The following AP1G1 variants were observed in gnomAD, a reference collection of about 807,000 sequenced individuals.
The protein encoded by AP1G1 is adaptor related protein complex 1 subunit gamma 1.
A neutral mutation model predicts 108.3 loss-of-function variants in AP1G1; 7 were observed. The observed-to-expected ratio is 0.06, with a 90% CI of 0.04 to 0.12. The LOEUF is 0.12. AP1G1 is among the 10% of genes least tolerant of loss of function. The probability of loss-of-function intolerance (pLI) is 1.00; values close to 1 mark genes in which losing one functional copy is unlikely to be tolerated. For missense variants in AP1G1, 756 were observed against 1,010.7 expected (o/e 0.75, Z 3.42); for synonymous variants, 379 against 353.5 (o/e 1.07, Z -0.81).
intron 2 of AP1G1, among the ~76,000 whole-genome samples, chr16:71,780,618 A>G (rs2031978228): frequency 6.6e-6 from 1 of 151,910 alleles, no homozygotes; most frequent in Admixed American, 6.6e-5. Context: ...CCTTTTTAAA[A>G]GTCACCTTTA....
At chr16:71,735,729 A>G (rs2045527032) in intron 21 of AP1G1, among the ~76,000 whole-genome samples, 1 of 152,132 alleles carries the variant, frequency 6.6e-6, no homozygotes. Flanking sequence ...TGTATGAACT[A>G]GCATTTGAAA....
chr16:71,749,857 T>G, intron 15 of AP1G1, 37 bp downstream of exon 15: 1 of 1,523,096 alleles, frequency 6.6e-7, no homozygotes, highest in Non-Finnish European at 9.1e-7. Context: ...CCAAAACCAC[T>G]ATTTTCCCCC....
Position 71,745,486 on chromosome 16 carries a change from T to A in AP1G1, c.1859A>T (p.Gln620Leu). Residue 620 changes from glutamine (Q) to leucine (L), a missense_variant, in exon 18 of 23, where the codon CAG becomes CTG. Physicochemically the swap from Gln to Leu is moderately radical, Grantham distance 113. Coordinates refer to ENST00000299980, the MANE Select transcript of AP1G1 (RefSeq NM_001128.6). ...AAGGCTGGCTACCTGGCTGGTGGGC[T>A]GTGGCCCAGAGGGTGGCGGTTTGGT... The part of the protein sequence containing the change: ...LETKPPPSGP[Q>L]PTSQANDLLD... The A allele has an allele frequency of 6.2e-7, 1 of 1,614,206 alleles. No individual in the cohort carries two copies. The highest frequency in any genetic ancestry group is 1.3e-5 in the African/African-American group (1 of 75,056).
chr16:71,782,456 C>T (rs1269839061), intron 2 of AP1G1, among the ~76,000 whole-genome samples: 1 of 150,900 alleles, frequency 6.6e-6, no homozygotes, highest in African/African-American at 2.4e-5. Context: ...AGTCACCGCA[C>T]CCAGCCTACA....
At chr16:71,755,228 C>T (rs1183505311) in intron 12 of AP1G1, among the ~76,000 whole-genome samples, 1 of 151,966 alleles carries the variant, frequency 6.6e-6, no homozygotes, top group South Asian at 2.1e-4. Flanking sequence ...GAGTTCGAGA[C>T]CAGCCTGGAC....
chr16:71,797,731 G>A (rs1039362418), intron 1 of AP1G1, among the ~76,000 whole-genome samples: 6 of 152,000 alleles, frequency 3.9e-5, no homozygotes, highest in Admixed American at 2.0e-4. Flanking sequence ...CCCAGGAGGC[G>A]GGGATTGCAG....
chr16:71,774,613 A>G (rs752385352), intron 2 of AP1G1, 21 bp from the exon 3 acceptor site: 2 of 1,553,846 alleles, frequency 1.3e-6, no homozygotes, highest in East Asian at 2.3e-5. Flanking sequence ...AGAAAAAAAA[A>G]AAGAAGGAAA....
At chr16:71,802,809 G>A (rs2032853791) in intron 1 of AP1G1, among the ~76,000 whole-genome samples, 1 of 152,072 alleles carries the variant, frequency 6.6e-6, no homozygotes, top group Admixed American at 6.6e-5. Context: ...TGATCCTTCT[G>A]ACTTGGCTTC....
In AP1G1 at chr16:71,774,829, T is replaced by A. The variant is rs192482690; in HGVS notation, c.202-237A>T. Among the ~76,000 whole-genome samples, 98 of 152,012 alleles carry A rather than the reference T, an allele frequency of 6.4e-4. 1 individual carries two copies. Among genetic ancestry groups the A allele is most frequent in the African/African-American group, 2.3e-3 (94 of 41,476 alleles). ...TCTGCCTCCCAGGTTCAAGCCATTC[T>A]CCTGCCTCAGCCTCCCGAGTAGCTG... On this transcript the variant is annotated intron_variant, in intron 2 of 22. Coordinates refer to ENST00000299980, the MANE Select transcript of AP1G1 (RefSeq NM_001128.6).
chr16:71,773,195 C>A (rs919848359), intron 4 of AP1G1, 26 bp downstream of exon 4: 2 of 1,610,934 alleles, frequency 1.2e-6, no homozygotes, highest in Non-Finnish European at 1.7e-6. Flanking sequence ...CTAATCCAAA[C>A]AGACATTTGG....
chr16:71,729,280 TG>T lies in AP1G1; in HGVS notation c.*3777del, dbSNP rs1468960883. The T allele has an allele frequency of 1.3e-5, 2 of 152,294 alleles. No homozygotes were observed. The highest frequency in any genetic ancestry group is 4.8e-5 in the African/African-American group (2 of 41,338). The allele number at this position is 152,294 out of a possible 1,614,324, so 9.4% of individuals were successfully genotyped here. A position where few individuals can be genotyped will look rare whatever the true frequency, so the allele number is the denominator to read the frequency against. ...AAGATGTGATGGGGCATAATGAAAATGTAACTTACAACACTAAGAAAGAAAA... is the reference window on the plus strand; with the variant it reads ...AAGATGTGATGGGGCATAATGAAAATTAACTTACAACACTAAGAAAGAAAA... On this transcript the variant is annotated 3_prime_UTR_variant, in exon 23 of 23. Transcript: ENST00000299980.
intron 21 of AP1G1, among the ~76,000 whole-genome samples, chr16:71,737,009 T>G (rs937799957): frequency 2.2e-4 from 33 of 152,114 alleles, no homozygotes; most frequent in African/African-American, 7.5e-4. Context: ...CAGCCTAAAG[T>G]AACAAGTATA....
At chr16:71,748,489 A>T in intron 15 of AP1G1, 111 bp from the exon 16 acceptor site, 1 of 1,249,908 alleles carries the variant, frequency 8.0e-7, no homozygotes, top group Non-Finnish European at 1.1e-6. Flanking sequence ...TACCGTTACA[A>T]AAGCCTCTAA....
Position 71,739,324 on chromosome 16 carries a change from G to C in AP1G1, c.2017C>G (p.Pro673Ala), listed in dbSNP as rs769024495. The change falls in exon 20 of 23, where the codon CCT becomes GCT. Residue 673 changes from proline (P) to alanine (A), a missense_variant. Pro to Ala is a conservative substitution (Grantham distance 27, BLOSUM62 -1). This residue lies in a region of AP1G1 where 357 missense variants were observed against 366.5 expected (regional missense o/e 0.97). Coordinates refer to ENST00000299980, the MANE Select transcript of AP1G1 (RefSeq NM_001128.6). ...INLTGAPAAAPAPASVPQISQ... is the reference protein window; with the variant it reads ...INLTGAPAAAAAPASVPQISQ... ...ATCTGTGGGACTGAGGCAGGGGCAG[G>C]AGCAGCAGCTGGAGCACCTAAAGGA... The C allele has an allele frequency of 4.4e-6, 7 of 1,602,978 alleles. No homozygotes were observed. Among genetic ancestry groups the C allele is most frequent in the Non-Finnish European group, 5.9e-6 (7 of 1,177,352 alleles).
chr16:71,749,119 GGA>G (rs1567644223), intron 15 of AP1G1, among the ~76,000 whole-genome samples: 9 of 152,004 alleles, frequency 5.9e-5, no homozygotes, highest in African/African-American at 2.2e-4. Context: ...GTGTTAGCCA[GGA>G]TGGTCTGGCT....
At chr16:71,753,736 T>C in intron 13 of AP1G1, 97 bp downstream of exon 13, 1 of 1,059,236 alleles carries the variant, frequency 9.4e-7, no homozygotes, top group Non-Finnish European at 1.4e-6. Context: ...ACCTATTTAC[T>C]TGTGAATTTC....
intron 19 of AP1G1, among the ~76,000 whole-genome samples, chr16:71,744,620 C>T (rs1281324209): frequency 2.3e-5 from 3 of 132,510 alleles, no homozygotes; most frequent in Non-Finnish European, 3.1e-5. Context: ...GTCACCCAGG[C>T]TGCAGTACAC....
At chr16:71,758,383 G>A (rs899882957) in intron 11 of AP1G1, 1 of 516,730 alleles carries the variant, frequency 1.9e-6, no homozygotes, top group African/African-American at 1.9e-5. Flanking sequence ...GGATCCTGGG[G>A]CGTAAGTACT....
chr16:71,807,574 G>C (rs1344188988), intron 1 of AP1G1, among the ~76,000 whole-genome samples: 1 of 152,244 alleles, frequency 6.6e-6, no homozygotes, highest in African/African-American at 2.4e-5. Context: ...TGTGTGACAA[G>C]TTAGGTATTT....
Sources: allele counts gnomAD v4.1 joint callset (sites outside exome capture counted in the v4.1 genomes callset), GRCh38; gene constraint gnomAD v4.1.1; regional missense constraint gnomAD v4.1.1; transcripts MANE v1.5; gene names NCBI Gene and HGNC (gene_info 2026-07-23, HGNC 2026-07-21).